NFATC1: variants seen among roughly 807,000 people sequenced by gnomAD.
The protein encoded by NFATC1 is nuclear factor of activated T-cells, cytoplasmic 1.
NFATC1 carries 22 observed loss-of-function variants against 76.0 expected under a neutral mutation model. The ratio of observed to expected loss-of-function variants is 0.29; its 90% CI spans 0.21 to 0.41. The LOEUF (loss-of-function observed/expected upper bound fraction) is 0.41, where lower values mean the gene tolerates loss of function less well. NFATC1 is among the 10% of genes least tolerant of loss of function. The pLI, the probability that NFATC1 is intolerant of heterozygous loss-of-function variation, is 1.00. For missense variants in NFATC1, 1,357 were observed against 1,337.7 expected (o/e 1.01, Z -0.23); for synonymous variants, 704 against 613.1 (o/e 1.15, Z -2.19).
intron 9 of NFATC1, among the ~76,000 whole-genome samples, chr18:79,494,537 G>A (rs113621691): frequency 2.0e-4 from 15 of 76,846 alleles, no homozygotes; most frequent in South Asian, 4.7e-4. Flanking sequence ...GAAGGCGAGA[G>A]CGGGCACACG....
At chr18:79,403,597 A>G (rs1271828213) in intron 1 of NFATC1, among the ~76,000 whole-genome samples, 1 of 152,240 alleles carries the variant, frequency 6.6e-6, no homozygotes, top group East Asian at 1.9e-4. Flanking sequence ...GTGGCAACTC[A>G]GAGGAAATTG....
At chr18:79,522,499 T>G (rs1352235264) in intron 9 of NFATC1, among the ~76,000 whole-genome samples, 1 of 99,782 alleles carries the variant, frequency 1.0e-5, no homozygotes, top group African/African-American at 4.0e-5. Context: ...TCTGCTGATG[T>G]GTTTTGTGTG....
At chr18:79,483,649 G>A (rs2089396015) in intron 8 of NFATC1, among the ~76,000 whole-genome samples, 1 of 147,102 alleles carries the variant, frequency 6.8e-6, no homozygotes, top group Non-Finnish European at 1.5e-5. Flanking sequence ...ACCTGGTCCT[G>A]GGGTGTAATT....
chr18:79,413,070 G>A (rs976428773), intron 2 of NFATC1, among the ~76,000 whole-genome samples: 19 of 152,214 alleles, frequency 1.2e-4, no homozygotes, highest in African/African-American at 1.9e-4. Context: ...AAGTACAAGC[G>A]TAGTGGCACT....
chr18:79,400,411 A>T, intron 1 of NFATC1: 1 of 1,494,056 alleles, frequency 6.7e-7, no homozygotes, highest in Non-Finnish European at 8.9e-7. Flanking sequence ...CTGGAGGACC[A>T]GGAGTTCGAC....
rs143894304 is a variant in NFATC1, at chr18:79,462,996, G to T, written c.1959+1630G>T. 1.3e-3 allele frequency among the ~76,000 whole-genome samples: 198 copies of T among 152,314 alleles called. 3 individuals are homozygous for T. In the East Asian group the frequency reaches 0.027, roughly 21 times the overall value. On this transcript the variant is annotated intron_variant, in intron 7 of 9. Coordinates refer to ENST00000427363, the MANE Select transcript of NFATC1 (RefSeq NM_001278669.2). ...ACGATCGGTGGCCTCCATGGAGAGC[G>T]GTGCTGGCACCTTCACTCCCTGTCC...
intron 1 of NFATC1, among the ~76,000 whole-genome samples, chr18:79,401,115 C>G (rs1355877168): frequency 6.7e-6 from 1 of 149,892 alleles, no homozygotes; most frequent in African/African-American, 2.4e-5. Flanking sequence ...ACTCCCCACT[C>G]CCGAAGAGCA....
chr18:79,477,689 A>G (rs1447424626), intron 8 of NFATC1, among the ~76,000 whole-genome samples: 1 of 152,170 alleles, frequency 6.6e-6, no homozygotes, highest in Non-Finnish European at 1.5e-5. Flanking sequence ...TGGGGCTTCC[A>G]TAGTGGAGCA....
chr18:79,441,499 G>A (rs1371522733), intron 3 of NFATC1, among the ~76,000 whole-genome samples: 1 of 152,150 alleles, frequency 6.6e-6, no homozygotes, highest in African/African-American at 2.4e-5. Flanking sequence ...CTGCTTGCCG[G>A]TCCTCAGGCC....
At chr18:79,471,303 T>G (rs1386642350) in intron 8 of NFATC1, among the ~76,000 whole-genome samples, 1 of 152,100 alleles carries the variant, frequency 6.6e-6, no homozygotes, top group Non-Finnish European at 1.5e-5. Context: ...AAAGGCGGCG[T>G]CCGCGTGGCC....
chr18:79,442,327 C>T (rs774413261), intron 3 of NFATC1, among the ~76,000 whole-genome samples: 1 of 152,230 alleles, frequency 6.6e-6, no homozygotes, highest in Non-Finnish European at 1.5e-5. Flanking sequence ...GCCGAGGCGT[C>T]GGTCCTGCTG....
At chr18:79,396,798 CCCCCCA>C (rs915034405) in intron 1 of NFATC1, among the ~76,000 whole-genome samples, 7 of 151,936 alleles carry the variant, frequency 4.6e-5, no homozygotes, top group African/African-American at 9.7e-5. Context: ...GGGTTCTGCG[CCCCCCA>C]CCCCCACCCC....
chr18:79,497,219 C>T (rs924683471), intron 9 of NFATC1: 6 of 152,244 alleles, frequency 3.9e-5, no homozygotes, highest in Non-Finnish European at 8.8e-5. Flanking sequence ...AATCAGCTCT[C>T]CCCCAAAGCA....
rs760858570 is a variant in NFATC1, at chr18:79,433,196, C to G, written c.1227-383C>G. On this transcript the variant is annotated intron_variant, in intron 2 of 9. Coordinates refer to ENST00000427363, the MANE Select transcript of NFATC1 (RefSeq NM_001278669.2). ...CACCTGTCTCATGGCAGCCACACAGCTGGTTCATAGCGAGGAGAGGTTTGA... is the reference window on the plus strand; with the variant it reads ...CACCTGTCTCATGGCAGCCACACAGGTGGTTCATAGCGAGGAGAGGTTTGA... Among the ~76,000 whole-genome samples, 273 of 152,224 alleles carry G rather than the reference C, an allele frequency of 1.8e-3. 4 individuals are homozygous for G. Among genetic ancestry groups the G allele is most frequent in the Admixed American group, 8.0e-3 (122 of 15,288 alleles).
At chr18:79,452,289 G>A (rs1014466081) in intron 6 of NFATC1, among the ~76,000 whole-genome samples, 1 of 152,232 alleles carries the variant, frequency 6.6e-6, no homozygotes, top group Non-Finnish European at 1.5e-5. Context: ...GGGAGCTGGG[G>A]TGGTCTTTAA....
At chr18:79,463,707 C>G (rs1027778332) in intron 7 of NFATC1, among the ~76,000 whole-genome samples, 2 of 152,246 alleles carry the variant, frequency 1.3e-5, no homozygotes, top group African/African-American at 4.8e-5. Context: ...ACATCTGGCT[C>G]TCCGTCCCTC....
In NFATC1 at chr18:79,411,495, A is replaced by T; in HGVS notation, c.1220A>T (p.Tyr407Phe). Reference sequence around the variant, plus strand: ...CCCAAGCCCCTGTCCCCTACGTCCTACATGAGGTGAGCCGGCAGCGCGGGG... The same window carrying T: ...CCCAAGCCCCTGTCCCCTACGTCCTTCATGAGGTGAGCCGGCAGCGCGGGG... ...AKPKPLSPTS[Y>F]MSPTLPALDW... Residue 407 changes from tyrosine to phenylalanine, a missense_variant, in exon 2 of 10, where the codon TAC becomes TTC. By Grantham distance (22) the Tyr-to-Phe change is conservative (BLOSUM62 3). Coordinates refer to ENST00000427363, the MANE Select transcript of NFATC1 (RefSeq NM_001278669.2). 1 of 1,485,220 alleles carries T rather than the reference A, an allele frequency of 6.7e-7. No individual in the cohort carries two copies. The highest frequency in any genetic ancestry group is 8.9e-7 in the Non-Finnish European group (1 of 1,119,162). The allele number at this position is 1,485,220 out of a possible 1,614,324, so 92.0% of individuals were successfully genotyped here. A position where few individuals can be genotyped will look rare whatever the true frequency, so the allele number is the denominator to read the frequency against.
intron 8 of NFATC1, among the ~76,000 whole-genome samples, chr18:79,473,427 G>A (rs561850352): frequency 2.6e-5 from 4 of 152,300 alleles, no homozygotes; most frequent in African/African-American, 9.6e-5. Context: ...TGTCAACATT[G>A]TAAACCTGAG....
chr18:79,474,869 TTC>T (rs2088981594), intron 8 of NFATC1, among the ~76,000 whole-genome samples: 1 of 141,952 alleles, frequency 7.0e-6, no homozygotes, highest in Non-Finnish European at 1.5e-5. Flanking sequence ...GGGAAGCGTG[TTC>T]TCACGCTCAC....
Sources: gnomAD v4.1 joint callset for allele counts (sites outside exome capture counted in the v4.1 genomes callset) on GRCh38, gnomAD v4.1.1 for gene constraint, MANE v1.5 for transcripts, NCBI Gene and HGNC (gene_info 2026-07-23, HGNC 2026-07-21) for gene names.